FHIP1A: variants seen among roughly 807,000 people sequenced by gnomAD.
FHIP1A encodes FHF complex subunit HOOK-interacting protein 1A.
A neutral mutation model predicts 88.6 loss-of-function variants in FHIP1A; 61 were observed. The ratio of observed to expected loss-of-function variants is 0.69; its 90% confidence interval spans 0.56 to 0.85. The LOEUF is 0.85. Ranked by LOEUF, FHIP1A falls within the 40% of genes least tolerant of loss-of-function variation. FHIP1A has a pLI of 0.00. For missense variants in FHIP1A, 1,154 were observed against 1,273.5 expected (o/e 0.91, Z 1.43); for synonymous variants, 478 against 496.0 (o/e 0.96, Z 0.48).
intron 7 of FHIP1A, among the ~76,000 whole-genome samples, chr4:151,592,184 G>A (rs1195797747): frequency 1.3e-5 from 2 of 152,082 alleles, no homozygotes; most frequent in African/African-American, 4.8e-5. Context: ...GCCCAGGCTG[G>A]AATGCAGTGG....
chr4:151,555,915 T>C (rs1028144969), intron 3 of FHIP1A, among the ~76,000 whole-genome samples: 5 of 152,182 alleles, frequency 3.3e-5, no homozygotes, highest in African/African-American at 1.2e-4. Context: ...TATAATCATA[T>C]AAAATATTTA....
At chr4:151,614,450 C>T (rs527600867) in intron 7 of FHIP1A, among the ~76,000 whole-genome samples, 39 of 144,052 alleles carry the variant, frequency 2.7e-4, no homozygotes, top group African/African-American at 8.9e-4. Flanking sequence ...GTCTGAGCCA[C>T]GGTGTGAGAC....
chr4:151,442,339 A>G (rs1286624759), intron 1 of FHIP1A, among the ~76,000 whole-genome samples: 1 of 152,162 alleles, frequency 6.6e-6, no homozygotes, highest in East Asian at 1.9e-4. Context: ...ATTAATTAAA[A>G]AAAAATCAAC....
intron 2 of FHIP1A, among the ~76,000 whole-genome samples, chr4:151,474,412 A>T (rs1362026011): frequency 6.6e-6 from 1 of 152,088 alleles, no homozygotes; most frequent in Non-Finnish European, 1.5e-5. Flanking sequence ...TTAAATTATA[A>T]AAAAAATAAA....
chr4:151,603,666 C>T (rs1734960756), intron 7 of FHIP1A, among the ~76,000 whole-genome samples: 1 of 152,204 alleles, frequency 6.6e-6, no homozygotes, highest in Admixed American at 6.5e-5. Flanking sequence ...TAATGTCTTT[C>T]TCCCGAGGCT....
chr4:151,551,767 G>A (rs1355892381), intron 3 of FHIP1A, among the ~76,000 whole-genome samples: 1 of 152,186 alleles, frequency 6.6e-6, no homozygotes, highest in South Asian at 2.1e-4. Context: ...TCAGGACATA[G>A]GCATGGGCAA....
chr4:151,462,563 TGAGTAAATATTAA>T (rs1729176965), intron 2 of FHIP1A, among the ~76,000 whole-genome samples: 1 of 152,210 alleles, frequency 6.6e-6, no homozygotes, highest in African/African-American at 2.4e-5. Context: ...GGCATGCCTT[TGAGTAAATATTAA>T]GATGATGATA....
chr4:151,568,239 A>G (rs185101299), intron 4 of FHIP1A, among the ~76,000 whole-genome samples: 3 of 152,370 alleles, frequency 2.0e-5, no homozygotes, highest in Admixed American at 6.5e-5. Flanking sequence ...GTACAGATAC[A>G]TAGTACTCTC....
chr4:151,558,170 GAATA>G (rs1733027387), intron 3 of FHIP1A, among the ~76,000 whole-genome samples: 1 of 152,142 alleles, frequency 6.6e-6, no homozygotes, highest in African/African-American at 2.4e-5. Flanking sequence ...TTAGTTTTCA[GAATA>G]AATCTTAGTT....
At chr4:151,431,501 G>A (rs550923503) in intron 1 of FHIP1A, among the ~76,000 whole-genome samples, 41 of 151,960 alleles carry the variant, frequency 2.7e-4, no homozygotes, top group Non-Finnish European at 5.1e-4. Context: ...CCTGACTGTC[G>A]TGCCATTTCC....
intron 2 of FHIP1A, among the ~76,000 whole-genome samples, chr4:151,464,756 G>T (rs1729251006): frequency 2.6e-5 from 4 of 152,096 alleles, no homozygotes; most frequent in African/African-American, 9.7e-5. Flanking sequence ...TGACAGAGTG[G>T]TACTCACTTT....
At chr4:151,414,923 T>C (rs954397052) in intron 1 of FHIP1A, among the ~76,000 whole-genome samples, 5 of 152,224 alleles carry the variant, frequency 3.3e-5, no homozygotes, top group African/African-American at 1.2e-4. Flanking sequence ...AAAGTTAAAG[T>C]ACACTGCAAT....
intron 1 of FHIP1A, among the ~76,000 whole-genome samples, chr4:151,422,904 C>T (rs56763519): frequency 0.11 from 17,363 of 152,172 alleles, 1,040 homozygotes; most frequent in African/African-American, 0.13. Flanking sequence ...GCCAGTGAAT[C>T]GCCATCACTG....
chr4:151,415,184 T>C lies in FHIP1A; in HGVS notation c.-356+5719T>C, dbSNP rs548300657. 2.0e-4 allele frequency among the ~76,000 whole-genome samples: 29 copies of C among 141,496 alleles called. No individual in the cohort carries two copies. The South Asian group carries it at 6.2e-3, about 30-fold the overall frequency. 92.8% of individuals were successfully genotyped at this position (141,496 alleles called of 152,430 possible). ...CATTGAATAGATATAGTTTTTTTGG[T>C]TTTTTTTTTTGTTTTTTTTTGAGAT... is the stretch of plus-strand genomic sequence containing the variant. On this transcript the variant is annotated intron_variant, in intron 1 of 13. Transcript: ENST00000435205.
Position 151,650,414 on chromosome 4 carries a change from G to C in FHIP1A, c.2373G>C (p.Glu791Asp). Residue 791 changes from glutamate (E) to aspartate (D), a missense_variant, in exon 11 of 14, where the codon GAG becomes GAC. Physicochemically the swap from Glu to Asp is conservative, Grantham distance 45 (BLOSUM62 2). Coordinates refer to ENST00000435205, the MANE Select transcript of FHIP1A (RefSeq NM_001109977.3). Reference sequence around the variant, plus strand: ...CTAAGGAGGAAGAAGGGAAGGAAGAGAGTAAAGGAGAAAAGGAGAAGGAGG... The same window carrying C: ...CTAAGGAGGAAGAAGGGAAGGAAGACAGTAAAGGAGAAAAGGAGAAGGAGG... ...LLTKEEEGKEESKGEKEKEGK... is the reference protein window; with the variant it reads ...LLTKEEEGKEDSKGEKEKEGK... 1 of 1,551,728 alleles carries C rather than the reference G, an allele frequency of 6.4e-7. No individual in the cohort carries two copies. The highest frequency in any genetic ancestry group is 8.7e-7 in the Non-Finnish European group (1 of 1,146,966).
chr4:151,542,290 AG>A (rs1319829560), intron 3 of FHIP1A, among the ~76,000 whole-genome samples: 1 of 152,218 alleles, frequency 6.6e-6, no homozygotes, highest in Non-Finnish European at 1.5e-5. Flanking sequence ...ACAACATTTA[AG>A]GAAATCAAAA....
intron 3 of FHIP1A, among the ~76,000 whole-genome samples, chr4:151,559,258 C>A (rs1414107612): frequency 6.6e-6 from 1 of 152,158 alleles, no homozygotes; most frequent in Non-Finnish European, 1.5e-5. Flanking sequence ...TTATGGTAGA[C>A]ATAGCAAGTC....
intron 5 of FHIP1A, among the ~76,000 whole-genome samples, chr4:151,583,038 A>G (rs1399944364): frequency 1.3e-5 from 2 of 152,114 alleles, no homozygotes. Flanking sequence ...GTATTAGTTT[A>G]TCAGCCGTCT....
intron 3 of FHIP1A, among the ~76,000 whole-genome samples, chr4:151,544,867 A>AGCCTG (rs1290554036): frequency 2.0e-5 from 3 of 152,134 alleles, no homozygotes; most frequent in Admixed American, 6.5e-5. Context: ...TCTTGAGCCC[A>AGCCTG]GGTATTTGAG....
Sources: allele counts gnomAD v4.1 joint callset (sites outside exome capture counted in the v4.1 genomes callset), GRCh38; gene constraint gnomAD v4.1.1; transcripts MANE v1.5; gene names NCBI Gene and HGNC (gene_info 2026-07-23, HGNC 2026-07-21).